Variants in CLNK observed in about 807,000 individuals in gnomAD.
CLNK encodes the protein cytokine-dependent hematopoietic cell linker.
A neutral mutation model predicts 68.6 loss-of-function variants in CLNK; 74 were observed. That is an observed-to-expected ratio of 1.08 (90% CI 0.89 to 1.31). The LOEUF (loss-of-function observed/expected upper bound fraction) is 1.31, where lower values mean the gene tolerates loss of function less well. Ranked by LOEUF, CLNK falls within the 50% of genes most tolerant of loss-of-function variation. The pLI, the probability that CLNK is intolerant of heterozygous loss-of-function variation, is 0.00. For missense variants in CLNK, 553 were observed against 515.3 expected, an observed-to-expected ratio of 1.07 and a Z score of -0.71; for synonymous variants, 198 against 172.2, an observed-to-expected ratio of 1.15 and a Z score of -1.17.
chr4:10,598,049 C>T lies in CLNK; in HGVS notation c.12G>A (p.Gln4=), dbSNP rs755765718. 3 of 1,570,830 alleles carry T rather than the reference C, an allele frequency of 1.9e-6. No homozygotes were observed. The highest frequency in any genetic ancestry group is 2.6e-6 in the Non-Finnish European group (3 of 1,154,722). Residue 4 remains glutamine (Q), a splice_region_variant and synonymous_variant, in exon 3 of 19, where the codon CAG becomes CAA. Coordinates refer to ENST00000226951, the MANE Select transcript of CLNK (RefSeq NM_052964.4). MNR[Q]GNRKTTKEGS... ...CTTCTTTAGTTGTCTTTCTATTGCC[C>T]CTGGGATGAAAGAAAATAAATTATA...
upstream of CLNK, chr4:10,685,178 A>T: frequency 6.6e-6 from 1 of 152,194 alleles, no homozygotes; most frequent in East Asian, 1.9e-4. Context: ...TGTTAAGGAA[A>T]GAACCTGGGA....
intron 2 of CLNK, among the ~76,000 whole-genome samples, chr4:10,622,596 G>A (rs1722499895): frequency 6.6e-6 from 1 of 152,186 alleles, no homozygotes; most frequent in Admixed American, 6.5e-5. Flanking sequence ...TGTCAAGAAA[G>A]AACATAATTT....
intron 2 of CLNK, among the ~76,000 whole-genome samples, chr4:10,616,128 G>A (rs1364100852): frequency 6.6e-6 from 1 of 152,180 alleles, no homozygotes; most frequent in African/African-American, 2.4e-5. Flanking sequence ...TACATTTCGC[G>A]ATTACCTATG....
At chr4:10,585,388 C>T (rs1057375899) in intron 3 of CLNK, among the ~76,000 whole-genome samples, 1 of 152,204 alleles carries the variant, frequency 6.6e-6, no homozygotes, top group Non-Finnish European at 1.5e-5. Flanking sequence ...TGGCAATCAC[C>T]GAGTTTTGGC....
At chr4:10,597,270 A>G (rs1721419330) in intron 3 of CLNK, among the ~76,000 whole-genome samples, 1 of 152,154 alleles carries the variant, frequency 6.6e-6, no homozygotes, top group Admixed American at 6.5e-5. Flanking sequence ...AGGCTTGGCC[A>G]GGGAGTCCCA....
At chr4:10,643,527 G>T (rs1328945313) in intron 2 of CLNK, among the ~76,000 whole-genome samples, 1 of 152,186 alleles carries the variant, frequency 6.6e-6, no homozygotes, top group African/African-American at 2.4e-5. Context: ...CACAAGGATA[G>T]GTGCTGAAGT....
chr4:10,731,242 A>G, the CLNK span, among the ~76,000 whole-genome samples: 1 of 152,220 alleles, frequency 6.6e-6, no homozygotes, highest in Non-Finnish European at 1.5e-5. Context: ...ATTATGTATT[A>G]GTTTTAGAAA....
In CLNK at chr4:10,487,335, C is replaced by T. The variant is rs1338034164; in HGVS notation, c.*3132G>A. 32 of 152,158 alleles carry T rather than the reference C, an allele frequency of 2.1e-4. No individual in the cohort carries two copies. Among genetic ancestry groups the T allele is most frequent in the Non-Finnish European group, 4.4e-5 (3 of 68,038 alleles). The allele number at this position is 152,158 out of a possible 1,614,324, so 9.4% of individuals were successfully genotyped here. On this transcript the variant is annotated 3_prime_UTR_variant, in exon 19 of 19. Coordinates refer to ENST00000226951, the MANE Select transcript of CLNK (RefSeq NM_052964.4). ...TTTGGCCAATGAGGTACAATTTCCT[C>T]AATTATAAAATGCATTAGAAATAGC...
intron 2 of CLNK, among the ~76,000 whole-genome samples, chr4:10,655,018 G>T (rs560823698): frequency 6.7e-6 from 1 of 149,902 alleles, no homozygotes; most frequent in Non-Finnish European, 1.5e-5. Flanking sequence ...GGAGAATGGC[G>T]TGAATCCAGG....
intron 14 of CLNK, among the ~76,000 whole-genome samples, chr4:10,522,102 TA>T (rs1718093994): frequency 6.6e-6 from 1 of 150,750 alleles, no homozygotes. Flanking sequence ...ACTAAAAATA[TA>T]AAAAATTAGC....
chr4:10,702,332 G>C, the CLNK span, among the ~76,000 whole-genome samples: 250 of 152,096 alleles, frequency 1.6e-3, no homozygotes, highest in African/African-American at 5.9e-3. Context: ...GAAAAAAATG[G>C]GCCATAAAGT....
At chr4:10,658,957 A>G (rs77248405) in intron 2 of CLNK, among the ~76,000 whole-genome samples, 2,772 of 152,252 alleles carry the variant, frequency 0.018, 35 homozygotes, top group South Asian at 0.052. Context: ...AGAAATTGCC[A>G]ATTTGGGAGG....
intron 2 of CLNK, among the ~76,000 whole-genome samples, chr4:10,633,022 C>T (rs1398352009): frequency 1.3e-5 from 2 of 152,230 alleles, no homozygotes; most frequent in Non-Finnish European, 1.5e-5. Flanking sequence ...ACTACAACTT[C>T]TGCCTCCTGG....
chr4:10,716,388 A>C, the CLNK span, among the ~76,000 whole-genome samples: 2 of 152,202 alleles, frequency 1.3e-5, no homozygotes, highest in Admixed American at 1.3e-4. Flanking sequence ...GACAGAGTAG[A>C]TGTACTTTTA....
At chr4:10,594,171 T>C (rs1721296544) in intron 3 of CLNK, among the ~76,000 whole-genome samples, 1 of 152,218 alleles carries the variant, frequency 6.6e-6, no homozygotes, top group African/African-American at 2.4e-5. Context: ...CGTTCATCTT[T>C]GATTTTTCCA....
chr4:10,688,705 C>T (rs1192232225), upstream of CLNK, among the ~76,000 whole-genome samples: 1 of 152,160 alleles, frequency 6.6e-6, no homozygotes, highest in East Asian at 1.9e-4. Context: ...CAAATACAGG[C>T]AGGTAAGAAT....
chr4:10,624,646 G>T (rs954125805), intron 2 of CLNK, among the ~76,000 whole-genome samples: 33 of 145,904 alleles, frequency 2.3e-4, no homozygotes, highest in Admixed American at 1.7e-3. Context: ...AATACAGCAG[G>T]TGTATTTCCT....
At chr4:10,729,674 A>G in the CLNK span, among the ~76,000 whole-genome samples, 1 of 151,092 alleles carries the variant, frequency 6.6e-6, no homozygotes, top group African/African-American at 2.5e-5. Context: ...AAACAATCAG[A>G]AATGGAAAGT....
intron 8 of CLNK, among the ~76,000 whole-genome samples, chr4:10,552,120 T>G (rs1719487077): frequency 6.6e-6 from 1 of 152,024 alleles, no homozygotes. Flanking sequence ...CCTCCCAAAG[T>G]GTTGGGATTA....
Sources: gnomAD v4.1 joint callset for allele counts (sites outside exome capture counted in the v4.1 genomes callset) on GRCh38, gnomAD v4.1.1 for gene constraint, MANE v1.5 for transcripts, NCBI Gene and HGNC (gene_info 2026-07-23, HGNC 2026-07-21) for gene names.